Variants in GAS2L3 observed in about 807,000 individuals in gnomAD.
GAS2L3 encodes growth arrest specific 2 like 3, also known as GAS2-like protein 3.
Under a neutral mutation model 37.0 loss-of-function variants are expected in GAS2L3, and 28 were observed. The ratio of observed to expected loss-of-function variants is 0.76; its 90% CI spans 0.56 to 1.04. The LOEUF (loss-of-function observed/expected upper bound fraction) is 1.04, where lower values mean the gene tolerates loss of function less well. Among genes scored for constraint, GAS2L3 ranks in the 50% least tolerant of loss-of-function variants. The pLI is 0.00. For synonymous variants in GAS2L3, 290 were observed against 296.6 expected (o/e 0.98, Z 0.23); for missense variants, 793 against 817.6 (o/e 0.97, Z 0.37).
intron 8 of GAS2L3, among the ~76,000 whole-genome samples, chr12:100,619,890 T>A (rs940618197): frequency 6.6e-6 from 1 of 152,026 alleles, no homozygotes; most frequent in Admixed American, 6.6e-5. Context: ...GAAAGTGCAG[T>A]GTTGAAACTT....
intron 5 of GAS2L3, among the ~76,000 whole-genome samples, chr12:100,602,907 G>A (rs1956010499): frequency 6.6e-6 from 1 of 152,060 alleles, no homozygotes; most frequent in Admixed American, 6.6e-5. Context: ...TTGTCTTTCT[G>A]TGCCTGATGT....
chr12:100,615,086 T>C (rs1279454354), intron 6 of GAS2L3, among the ~76,000 whole-genome samples: 2 of 152,220 alleles, frequency 1.3e-5, no homozygotes, highest in Non-Finnish European at 1.5e-5. Flanking sequence ...TTTGAGGAGC[T>C]GTTTTCAAAG....
At chr12:100,589,011 A>G (rs919139184) in intron 1 of GAS2L3, among the ~76,000 whole-genome samples, 7 of 152,188 alleles carry the variant, frequency 4.6e-5, no homozygotes, top group African/African-American at 1.7e-4. Flanking sequence ...TGTAGAGTTA[A>G]CACAATTATC....
intron 5 of GAS2L3, among the ~76,000 whole-genome samples, chr12:100,607,240 G>C (rs1956068253): frequency 6.6e-6 from 1 of 152,096 alleles, no homozygotes; most frequent in Non-Finnish European, 1.5e-5. Context: ...CACTTTAAAT[G>C]CCATGTCACT....
intron 5 of GAS2L3, among the ~76,000 whole-genome samples, chr12:100,604,161 A>G (rs1956026957): frequency 6.6e-6 from 1 of 152,020 alleles, no homozygotes; most frequent in Admixed American, 6.6e-5. Context: ...TTTGATAAGT[A>G]TTGCATTGAA....
At chr12:100,621,784 G>A (rs976804840) in intron 8 of GAS2L3, among the ~76,000 whole-genome samples, 11 of 146,320 alleles carry the variant, frequency 7.5e-5, no homozygotes, top group African/African-American at 2.8e-4. Flanking sequence ...GCTTAATAAC[G>A]AACTCATATG....
intron 1 of GAS2L3, among the ~76,000 whole-genome samples, chr12:100,588,241 A>G (rs750056371): frequency 1.1e-4 from 16 of 152,134 alleles, no homozygotes; most frequent in East Asian, 3.9e-4. Flanking sequence ...TCTATTTTCC[A>G]TAAGTGTCGG....
chr12:100,583,099 G>C (rs1308462087), intron 1 of GAS2L3, among the ~76,000 whole-genome samples: 1 of 152,180 alleles, frequency 6.6e-6, no homozygotes, highest in African/African-American at 2.4e-5. Flanking sequence ...CAAGTCCATA[G>C]AGTAAAGCAA....
Position 100,624,836 on chromosome 12 carries a change from GGAA to G in GAS2L3, c.2034_2036del (p.Glu678del). 1 of 1,609,720 alleles carries G rather than the reference GGAA, an allele frequency of 6.2e-7. No homozygotes were observed. Among genetic ancestry groups the G allele is most frequent in the South Asian group, 1.1e-5 (1 of 90,676 alleles). ...ATAAAAAACCTACTGCAAAGAAAAAGGAAGATGATGACCATTATTTTGTCATGA... is the reference window on the plus strand; with the variant it reads ...ATAAAAAACCTACTGCAAAGAAAAAGGATGATGACCATTATTTTGTCATGA... On this transcript the variant is annotated inframe_deletion, in exon 10 of 10. Coordinates refer to ENST00000547754, the MANE Select transcript of GAS2L3 (RefSeq NM_174942.3).
At chr12:100,617,640 G>T (rs1432081146) in intron 6 of GAS2L3, 104 bp from the exon 7 acceptor site, 13 of 722,364 alleles carry the variant, frequency 1.8e-5, no homozygotes, top group Non-Finnish European at 2.4e-6. Flanking sequence ...AAGTAAACCT[G>T]CTGTCTTCAT....
intron 1 of GAS2L3, among the ~76,000 whole-genome samples, chr12:100,575,476 ATTTTTTTTTTT>A (rs58446699): frequency 3.4e-5 from 3 of 88,788 alleles, no homozygotes; most frequent in African/African-American, 1.4e-4. Context: ...TGTTATCTCT[ATTTTTTTTTTT>A]TTTTTTTTTT....
chr12:100,607,229 G>T (rs1956068159), intron 5 of GAS2L3, among the ~76,000 whole-genome samples: 1 of 152,004 alleles, frequency 6.6e-6, no homozygotes. Context: ...TTTTCCTTCA[G>T]CACTTTAAAT....
Position 100,573,693 on chromosome 12 carries a change from C to T in GAS2L3, c.-244C>T. 6.3e-6 allele frequency: 1 copy of T among 158,424 alleles called. No homozygotes were observed. Among genetic ancestry groups the T allele is most frequent in the Non-Finnish European group, 1.4e-5 (1 of 72,514 alleles). The allele number at this position is 158,424 out of a possible 1,614,324, so 9.8% of individuals were successfully genotyped here. ...ACTGACCCTGAGGCCCAGGCGGCGG[C>T]GGCAGCGGCGGCGGTTGGTCAGGGG... On this transcript the variant is annotated 5_prime_UTR_variant, in exon 1 of 10. Transcript: ENST00000547754.
At chr12:100,575,701 A>G (rs915228185) in intron 1 of GAS2L3, among the ~76,000 whole-genome samples, 1 of 151,698 alleles carries the variant, frequency 6.6e-6, no homozygotes, top group African/African-American at 2.4e-5. Flanking sequence ...GATGGTCTCG[A>G]TCTCTTGACG....
intron 1 of GAS2L3, among the ~76,000 whole-genome samples, chr12:100,580,617 A>G (rs1172613999): frequency 1.3e-5 from 2 of 152,226 alleles, no homozygotes; most frequent in African/African-American, 2.4e-5. Context: ...AGGGAAGTAC[A>G]ACAACTATAT....
intron 5 of GAS2L3, among the ~76,000 whole-genome samples, chr12:100,604,931 T>C (rs1219359121): frequency 6.6e-6 from 1 of 152,168 alleles, no homozygotes; most frequent in Non-Finnish European, 1.5e-5. Context: ...CATCTTTGCA[T>C]CCCTGGGATA....
At chr12:100,611,206 C>G (rs1956123258) in intron 5 of GAS2L3, 1 of 152,118 alleles carries the variant, frequency 6.6e-6, no homozygotes, top group Non-Finnish European at 1.5e-5. Flanking sequence ...CCAGGCTGGT[C>G]TTGAACTCCT....
In GAS2L3 at chr12:100,589,903, A is replaced by G. The variant is rs1593165748; in HGVS notation, c.-151-1833A>G. The stretch of plus-strand genomic sequence containing the variant: ...GATCCTCATCTCTCACCTTACACAA[A>G]AATCAACTCAAGATGGATTAAGGAT... On this transcript the variant is annotated intron_variant, in intron 1 of 9. Transcript: ENST00000547754. Among the ~76,000 whole-genome samples, 6 of 152,340 alleles carry G rather than the reference A, an allele frequency of 3.9e-5. No homozygotes were observed. In the South Asian group the frequency reaches 1.0e-3, roughly 26 times the overall value.
intron 3 of GAS2L3, among the ~76,000 whole-genome samples, chr12:100,597,276 G>A (rs1267471995): frequency 6.6e-6 from 1 of 151,828 alleles, no homozygotes; most frequent in Non-Finnish European, 1.5e-5. Context: ...ACAATTGATT[G>A]TAAGATACAT....
Sources: gnomAD v4.1 joint callset for allele counts (sites outside exome capture counted in the v4.1 genomes callset) on GRCh38, gnomAD v4.1.1 for gene constraint, MANE v1.5 for transcripts, NCBI Gene and HGNC (gene_info 2026-07-23, HGNC 2026-07-21) for gene names.